REEP3: variants seen among roughly 807,000 people sequenced by gnomAD.
The protein encoded by REEP3 is receptor expression-enhancing protein 3.
REEP3 carries 20 observed loss-of-function variants against 41.3 expected under a neutral mutation model. That is an observed-to-expected ratio of 0.48 (90% CI 0.34 to 0.70). The LOEUF is 0.70. Among genes scored for constraint, REEP3 ranks in the 30% least tolerant of loss-of-function variants. The pLI is 0.01. For synonymous variants in REEP3, 104 were observed against 101.8 expected, an observed-to-expected ratio of 1.02 and a Z score of -0.13; for missense variants, 271 against 308.8, an observed-to-expected ratio of 0.88 and a Z score of 0.92.
At chr10:63,555,750 CA>C (rs548074289) in intron 1 of REEP3, among the ~76,000 whole-genome samples, 13 of 152,218 alleles carry the variant, frequency 8.5e-5, no homozygotes, top group African/African-American at 2.9e-4. Flanking sequence ...AGTTTTAATC[CA>C]ACACCAAACT....
At chr10:63,530,543 A>C (rs901782561) in intron 1 of REEP3, among the ~76,000 whole-genome samples, 1 of 152,232 alleles carries the variant, frequency 6.6e-6, no homozygotes, top group African/African-American at 2.4e-5. Flanking sequence ...TCTTTCATTA[A>C]GAAAGAAAAC....
intron 2 of REEP3, among the ~76,000 whole-genome samples, chr10:63,585,350 A>G (rs1955995349): frequency 6.6e-6 from 1 of 152,204 alleles, no homozygotes. Flanking sequence ...GAGATTATAT[A>G]TGATCTCTGG....
At chr10:63,535,617 C>T (rs893411440) in intron 1 of REEP3, among the ~76,000 whole-genome samples, 5 of 152,078 alleles carry the variant, frequency 3.3e-5, no homozygotes, top group Non-Finnish European at 7.4e-5. Flanking sequence ...GAATTACAAC[C>T]TTGTAGTATT....
intron 1 of REEP3, among the ~76,000 whole-genome samples, chr10:63,535,057 G>A (rs1174467537): frequency 6.6e-6 from 1 of 152,102 alleles, no homozygotes; most frequent in Non-Finnish European, 1.5e-5. Flanking sequence ...AGTAGGAAGA[G>A]AATGGTATGG....
chr10:63,556,619 TTTTTTTGTTGTTTTG>T (rs1955685296), intron 1 of REEP3, among the ~76,000 whole-genome samples: 14 of 3,416 alleles, frequency 4.1e-3, no homozygotes, highest in East Asian at 0.11. Flanking sequence ...TGCTTGTTTT[TTTTTTTGTTGTTTTG>T]TTTTTTTTTT....
At chr10:63,524,671 C>G (rs1173993094) in intron 1 of REEP3, among the ~76,000 whole-genome samples, 4 of 152,092 alleles carry the variant, frequency 2.6e-5, no homozygotes, top group Non-Finnish European at 5.9e-5. Context: ...GCCTTGAACT[C>G]CTAGCCTCAA....
intron 1 of REEP3, chr10:63,521,792 G>T (rs1423772602): frequency 6.3e-6 from 2 of 318,522 alleles, no homozygotes; most frequent in Non-Finnish European, 5.7e-6. Context: ...TAGCTGCGGC[G>T]ACTGCGGCTG....
chr10:63,620,367 A>G (rs1482518943), intron 7 of REEP3, among the ~76,000 whole-genome samples: 1 of 152,246 alleles, frequency 6.6e-6, no homozygotes, highest in African/African-American at 2.4e-5. Flanking sequence ...TAGTTCAAAT[A>G]CCCAGTCCCA....
intron 1 of REEP3, among the ~76,000 whole-genome samples, chr10:63,536,239 C>T (rs575718543): frequency 1.4e-4 from 21 of 152,116 alleles, no homozygotes; most frequent in Non-Finnish European, 3.1e-4. Flanking sequence ...ATAATTTACA[C>T]CTGTTATTTT....
At chr10:63,603,834 T>C (rs1444157996) in intron 5 of REEP3, among the ~76,000 whole-genome samples, 1 of 152,216 alleles carries the variant, frequency 6.6e-6, no homozygotes, top group Non-Finnish European at 1.5e-5. Context: ...TATACTGTGC[T>C]TATTTTAAAG....
chr10:63,608,237 A>C (rs1956246474), intron 5 of REEP3, among the ~76,000 whole-genome samples: 1 of 152,212 alleles, frequency 6.6e-6, no homozygotes, highest in African/African-American at 2.4e-5. Flanking sequence ...AAGTATAATA[A>C]ATTAATCCAT....
intron 1 of REEP3, among the ~76,000 whole-genome samples, chr10:63,545,155 GTTTC>G (rs1465913019): frequency 3.9e-5 from 6 of 152,050 alleles, no homozygotes; most frequent in Admixed American, 3.9e-4. Context: ...ATGGGTACTT[GTTTC>G]TTTGTTTTAA....
chr10:63,579,041 T>TTG (rs1554806345), intron 2 of REEP3, among the ~76,000 whole-genome samples: 2 of 137,024 alleles, frequency 1.5e-5, no homozygotes, highest in Non-Finnish European at 3.1e-5. Context: ...TGTTTTTTTT[T>TTG]GGGGGGGGGG....
At chr10:63,522,477 TA>T (rs940834065) in intron 1 of REEP3, among the ~76,000 whole-genome samples, 1 of 150,884 alleles carries the variant, frequency 6.6e-6, no homozygotes, top group Non-Finnish European at 1.5e-5. Context: ...TCTCCCCGAT[TA>T]AAAAAAAAGT....
chr10:63,544,814 A>G (rs1261173446), intron 1 of REEP3, among the ~76,000 whole-genome samples: 1 of 152,176 alleles, frequency 6.6e-6, no homozygotes, highest in East Asian at 1.9e-4. Flanking sequence ...CATTTGGTAA[A>G]ACTGCTATTG....
Position 63,622,045 on chromosome 10 carries a change from C to A in REEP3, c.*1176C>A, listed in dbSNP as rs1956358015. ...CAAAGAGATTTTGAGTTATTGAATTCTTAAGGCTTTCTTAGCTTGAACTGA... is the reference window on the plus strand; with the variant it reads ...CAAAGAGATTTTGAGTTATTGAATTATTAAGGCTTTCTTAGCTTGAACTGA... On this transcript the variant is annotated 3_prime_UTR_variant, in exon 8 of 8. Transcript: ENST00000373758. 6.6e-6 allele frequency: 1 copy of A among 152,124 alleles called. No individual in the cohort carries two copies. Among genetic ancestry groups the A allele is most frequent in the South Asian group, 2.1e-4 (1 of 4,826 alleles). The allele number at this position is 152,124 out of a possible 1,614,324, so 9.4% of individuals were successfully genotyped here. A position where few individuals can be genotyped will look rare whatever the true frequency, so the allele number is the denominator to read the frequency against.
At chr10:63,583,064 C>A (rs1955969611) in intron 2 of REEP3, among the ~76,000 whole-genome samples, 1 of 152,310 alleles carries the variant, frequency 6.6e-6, no homozygotes, top group South Asian at 2.1e-4. Context: ...CAGCTCACTG[C>A]AACCTCCGCC....
chr10:63,524,899 C>T (rs1426538532), intron 1 of REEP3, among the ~76,000 whole-genome samples: 1 of 151,916 alleles, frequency 6.6e-6, no homozygotes, highest in African/African-American at 2.4e-5. Flanking sequence ...GTAGTCCTGG[C>T]TACTAGGGAA....
At chr10:63,526,068 C>T (rs926432704) in intron 1 of REEP3, among the ~76,000 whole-genome samples, 9 of 152,186 alleles carry the variant, frequency 5.9e-5, no homozygotes, top group Non-Finnish European at 1.2e-4. Flanking sequence ...TCCCAGCATG[C>T]TGAATGTTTG....
Sources: allele counts gnomAD v4.1 joint callset (sites outside exome capture counted in the v4.1 genomes callset), GRCh38; gene constraint gnomAD v4.1.1; transcripts MANE v1.5; gene names NCBI Gene and HGNC (gene_info 2026-07-23, HGNC 2026-07-21).